Variants in TARBP1 observed in about 807,000 individuals in gnomAD.
The protein encoded by TARBP1 is tRNA (guanosine(18)-2'-O)-methyltransferase TARBP1.
Under a neutral mutation model 178.6 loss-of-function variants are expected in TARBP1, and 144 were observed. The ratio of observed to expected loss-of-function variants is 0.81; its 90% CI spans 0.70 to 0.93. The LOEUF (loss-of-function observed/expected upper bound fraction) is 0.93, where lower values mean the gene tolerates loss of function less well. Among genes scored for constraint, TARBP1 ranks in the 40% least tolerant of loss-of-function variants. The pLI, the probability that TARBP1 is intolerant of heterozygous loss-of-function variation, is 0.00. For synonymous variants in TARBP1, 787 were observed against 781.0 expected, an observed-to-expected ratio of 1.01 and a Z score of -0.13; for missense variants, 2,067 against 2,011.7, an observed-to-expected ratio of 1.03 and a Z score of -0.53.
intron 28 of TARBP1, 143 bp downstream of exon 28, chr1:234,393,219 T>C (rs1659575939): frequency 2.4e-6 from 2 of 838,404 alleles, no homozygotes; most frequent in African/African-American, 1.7e-5. Flanking sequence ...TTATAAATTA[T>C]GCAAAAGGAC....
At chr1:234,427,427 T>A in intron 18 of TARBP1, 39 bp from the exon 19 acceptor site, 2 of 1,538,668 alleles carry the variant, frequency 1.3e-6, no homozygotes, top group African/African-American at 1.4e-5. Flanking sequence ...CAACAGGTTT[T>A]AAATAGAAAA....
chr1:234,424,929 C>T (rs548515067), intron 20 of TARBP1, among the ~76,000 whole-genome samples: 14 of 152,122 alleles, frequency 9.2e-5, no homozygotes, highest in South Asian at 2.1e-4. Context: ...GGCATGGTGG[C>T]GCATGTCTGT....
At chr1:234,430,054 A>T in intron 15 of TARBP1, 33 bp downstream of exon 15, 1 of 1,580,696 alleles carries the variant, frequency 6.3e-7, no homozygotes, top group Middle Eastern at 1.9e-4. Context: ...ACAACAACAG[A>T]AATGGATTTT....
Position 234,478,936 on chromosome 1 carries a change from C to G in TARBP1, c.168G>C (p.Ala56=). ...CCACCTCGCGCGCCGCCTCCGGGAG[C>G]GCGCCTGCGCCCCCGCTGCCGCGCG... ...EEARGSGGAG[A]LPEAAREVAA... is the part of the protein sequence containing the mutation. Residue 56 remains alanine (A), a synonymous_variant, in exon 1 of 30, where the codon GCG becomes GCC. Transcript: ENST00000040877. 6.9e-7 allele frequency: 1 copy of G among 1,441,180 alleles called. No individual in the cohort carries two copies. The highest frequency in any genetic ancestry group is 9.0e-7 in the Non-Finnish European group (1 of 1,106,172). 89.3% of individuals were successfully genotyped at this position (1,441,180 alleles called of 1,614,324 possible). A position where few individuals can be genotyped will look rare whatever the true frequency, so the allele number is the denominator to read the frequency against.
chr1:234,419,459 A>AT (rs1209692864), intron 21 of TARBP1, among the ~76,000 whole-genome samples: 1 of 152,298 alleles, frequency 6.6e-6, no homozygotes, highest in East Asian at 1.9e-4. Flanking sequence ...CAAAATGAGA[A>AT]TATGTATGGC....
intron 3 of TARBP1, among the ~76,000 whole-genome samples, chr1:234,469,438 T>C (rs564179183): frequency 1.3e-5 from 2 of 152,328 alleles, no homozygotes; most frequent in Middle Eastern, 3.4e-3. Context: ...AAGAGCATCA[T>C]TTTAATGGTA....
intron 24 of TARBP1, among the ~76,000 whole-genome samples, chr1:234,402,008 T>A (rs1660719862): frequency 6.6e-6 from 1 of 152,212 alleles, no homozygotes; most frequent in South Asian, 2.1e-4. Flanking sequence ...CCCCTGGGTT[T>A]TGCCCTATCT....
chr1:234,452,175 T>C (rs1323635799), intron 9 of TARBP1, among the ~76,000 whole-genome samples: 3 of 152,226 alleles, frequency 2.0e-5, no homozygotes, highest in Non-Finnish European at 1.5e-5. Flanking sequence ...GTCAGACTTA[T>C]GGTTTAAAAT....
rs1019540021 is a variant in TARBP1, at chr1:234,420,597, A to G, written c.3555+105T>C. On this transcript the variant is annotated intron_variant, in intron 21 of 29. Coordinates refer to ENST00000040877, the MANE Select transcript of TARBP1 (RefSeq NM_005646.4). ...TTAAGAACTGCAGAATAAATTTTAA[A>G]CATTATCTTTTTCAATTTTAAAATA... 5 of 627,536 alleles carry G rather than the reference A, an allele frequency of 8.0e-6. No individual in the cohort carries two copies. In the Admixed American group the frequency reaches 1.9e-4, roughly 24 times the overall value. 38.9% of individuals were successfully genotyped at this position (627,536 alleles called of 1,614,324 possible). A position where few individuals can be genotyped will look rare whatever the true frequency, so the allele number is the denominator to read the frequency against.
chr1:234,419,424 C>T (rs1662837254), intron 21 of TARBP1, among the ~76,000 whole-genome samples: 1 of 152,152 alleles, frequency 6.6e-6, no homozygotes, highest in Non-Finnish European at 1.5e-5. Context: ...CACCTAACCT[C>T]TCTCAACTGC....
At chr1:234,468,036 GC>G (rs765942440) in intron 3 of TARBP1, among the ~76,000 whole-genome samples, 13 of 152,158 alleles carry the variant, frequency 8.5e-5, no homozygotes, top group South Asian at 2.1e-4. Flanking sequence ...TCCTCGGCCT[GC>G]CAAAGCACTG....
At chr1:234,412,770 CA>C (rs1661980181) in intron 22 of TARBP1, among the ~76,000 whole-genome samples, 2 of 152,234 alleles carry the variant, frequency 1.3e-5, no homozygotes, top group South Asian at 4.1e-4. Flanking sequence ...AGCCTGAAAC[CA>C]AAAGGACTGG....
Position 234,393,843 on chromosome 1 carries a change from A to T in TARBP1, c.4244-6T>A. ...TGCTTCGACCAAATTAGTACCTGGG[A>T]AGGAAAAAGAAAACAATCCCACATA... On this transcript the variant is annotated splice_polypyrimidine_tract_variant and splice_region_variant and intron_variant, in intron 26 of 29. Coordinates refer to ENST00000040877, the MANE Select transcript of TARBP1 (RefSeq NM_005646.4). 1 of 1,591,452 alleles carries T rather than the reference A, an allele frequency of 6.3e-7. No homozygotes were observed. The highest frequency in any genetic ancestry group is 8.6e-7 in the Non-Finnish European group (1 of 1,164,886).
Position 234,429,432 on chromosome 1 carries a change from T to C in TARBP1, c.2855A>G (p.Lys952Arg). Residue 952 changes from lysine (K) to arginine (R), a missense_variant, in exon 16 of 30, where the codon AAA (lysine) becomes AGA (arginine). By Grantham distance (26) the Lys-to-Arg change is conservative (BLOSUM62 2). Coordinates refer to ENST00000040877, the MANE Select transcript of TARBP1 (RefSeq NM_005646.4). ...CTATCTTACCTTGGGAACCAACACT[T>C]TCAAGCAATGGAACACTGGTAAAAC... Reference protein sequence around the residue: ...DQVLPVFHCLKVLVPKLLTSS... With the variant: ...DQVLPVFHCLRVLVPKLLTSS... 1 of 1,612,396 alleles carries C rather than the reference T, an allele frequency of 6.2e-7. No individual in the cohort carries two copies. The highest frequency in any genetic ancestry group is 1.3e-5 in the African/African-American group (1 of 74,898).
Position 234,432,769 on chromosome 1 carries a change from T to C in TARBP1, c.2394+641A>G, listed in dbSNP as rs374608178. 3.2e-4 allele frequency among the ~76,000 whole-genome samples: 48 copies of C among 152,166 alleles called. No individual in the cohort carries two copies. The East Asian group carries it at 7.7e-3, about 25-fold the overall frequency. ...TAGAGTGGCTGCAACGTCACGGCACTGTGGGAAGGAGGGGGAAAGGCATTA... is the reference window on the plus strand; with the variant it reads ...TAGAGTGGCTGCAACGTCACGGCACCGTGGGAAGGAGGGGGAAAGGCATTA... On this transcript the variant is annotated intron_variant, in intron 14 of 29. Coordinates refer to ENST00000040877, the MANE Select transcript of TARBP1 (RefSeq NM_005646.4).
At chr1:234,402,220 G>C (rs1030926993) in intron 24 of TARBP1, among the ~76,000 whole-genome samples, 4 of 152,180 alleles carry the variant, frequency 2.6e-5, no homozygotes, top group Non-Finnish European at 4.4e-5. Context: ...TTTCACCTTT[G>C]GTGGGAGAAG....
Position 234,460,599 on chromosome 1 carries a change from T to C in TARBP1, c.1400-203A>G, listed in dbSNP as rs1212093952. ...ACCCAGAACCCTCACACAATGCTGG[T>C]GGGAATGTAAAACGGTGCAGCCGCT... is the stretch of plus-strand genomic sequence containing the variant. On this transcript the variant is annotated intron_variant, in intron 6 of 29. Transcript: ENST00000040877. Among the ~76,000 whole-genome samples, 7 of 152,216 alleles carry C rather than the reference T, an allele frequency of 4.6e-5. 1 individual carries two copies. In the South Asian group the frequency reaches 1.5e-3, roughly 32 times the overall value.
Position 234,478,042 on chromosome 1 carries a change from C to A in TARBP1, c.931+131G>T, listed in dbSNP as rs1386198454. The A allele has an allele frequency of 6.8e-6, 6 of 881,324 alleles. 1 individual carries two copies. Among genetic ancestry groups the A allele is most frequent in the Non-Finnish European group, 1.0e-5 (6 of 587,548 alleles). The allele number at this position is 881,324 out of a possible 1,614,324, so 54.6% of individuals were successfully genotyped here. ...CAAAGGTTTTCAGGCTTTAGGGGAGCAACGCGGAATAACCAAATTCTGCAT... is the reference window on the plus strand; with the variant it reads ...CAAAGGTTTTCAGGCTTTAGGGGAGAAACGCGGAATAACCAAATTCTGCAT... On this transcript the variant is annotated intron_variant, in intron 1 of 29. Coordinates refer to ENST00000040877, the MANE Select transcript of TARBP1 (RefSeq NM_005646.4).
intron 1 of TARBP1, among the ~76,000 whole-genome samples, chr1:234,477,181 A>G (rs879545948): frequency 8.7e-5 from 13 of 149,660 alleles, no homozygotes; most frequent in Non-Finnish European, 1.9e-4. Flanking sequence ...CCGAAACTCC[A>G]TAAAACAAAC....
Sources: gnomAD v4.1 joint callset for allele counts (sites outside exome capture counted in the v4.1 genomes callset) on GRCh38, gnomAD v4.1.1 for gene constraint, MANE v1.5 for transcripts, NCBI Gene and HGNC (gene_info 2026-07-23, HGNC 2026-07-21) for gene names.